The following FAT3 variants were observed in gnomAD, a reference collection of about 807,000 sequenced individuals.
FAT3 encodes protocadherin Fat 3.
Under a neutral mutation model 310.2 loss-of-function variants are expected in FAT3, and 95 were observed. The ratio of observed to expected loss-of-function variants is 0.31; its 90% CI spans 0.26 to 0.36. The LOEUF (loss-of-function observed/expected upper bound fraction) is 0.36, where lower values mean the gene tolerates loss of function less well. Ranked by LOEUF, FAT3 falls within the 10% of genes least tolerant of loss-of-function variation. The pLI is 1.00. For missense variants in FAT3, 5,408 were observed against 5,715.6 expected (o/e 0.95, Z 1.74); for synonymous variants, 2,314 against 2,192.9 (o/e 1.06, Z -1.54).
chr11:92,709,556 T>G (rs1429038424), intron 4 of FAT3, among the ~76,000 whole-genome samples: 3 of 152,166 alleles, frequency 2.0e-5, no homozygotes, highest in Non-Finnish European at 4.4e-5. Context: ...TTACTCCGCT[T>G]TGTACCCCAG....
chr11:92,877,301 A>T (rs1240277565), intron 22 of FAT3, among the ~76,000 whole-genome samples: 2 of 152,190 alleles, frequency 1.3e-5, no homozygotes, highest in Non-Finnish European at 2.9e-5. Context: ...AAGAGCTTAA[A>T]ATAAGAATTG....
intron 1 of FAT3, among the ~76,000 whole-genome samples, chr11:92,251,885 C>T (rs187774861): frequency 6.6e-5 from 10 of 152,144 alleles, no homozygotes; most frequent in Non-Finnish European, 1.3e-4. Context: ...TGTAAGTTAC[C>T]GATGATCCAG....
intron 19 of FAT3, among the ~76,000 whole-genome samples, chr11:92,847,729 G>A (rs1948724438): frequency 6.6e-6 from 1 of 152,156 alleles, no homozygotes; most frequent in Non-Finnish European, 1.5e-5. Flanking sequence ...AAGATAAAGA[G>A]GAAAGCGTTT....
chr11:92,590,310 G>T (rs1167138557), intron 3 of FAT3, among the ~76,000 whole-genome samples: 1 of 152,172 alleles, frequency 6.6e-6, no homozygotes, highest in Non-Finnish European at 1.5e-5. Flanking sequence ...TCAAACTTTA[G>T]TTGGACTCAA....
chr11:92,806,249 A>G, intron 11 of FAT3, 113 bp from the exon 12 acceptor site: 1 of 996,118 alleles, frequency 1.0e-6, no homozygotes, highest in East Asian at 2.6e-5. Flanking sequence ...GAAAAAAATA[A>G]CAAAAGCTAA....
chr11:92,662,498 G>A (rs1942821011), intron 3 of FAT3, among the ~76,000 whole-genome samples: 1 of 152,204 alleles, frequency 6.6e-6, no homozygotes, highest in Non-Finnish European at 1.5e-5. Context: ...TGAGGTTACA[G>A]CCTGGATTTA....
At chr11:92,264,886 ACC>A (rs1434375783) in intron 1 of FAT3, among the ~76,000 whole-genome samples, 1 of 152,018 alleles carries the variant, frequency 6.6e-6, no homozygotes, top group Non-Finnish European at 1.5e-5. Context: ...TATTTATTTC[ACC>A]TTGGATTTGA....
At chr11:92,698,854 T>TA (rs2135911414) in intron 4 of FAT3, among the ~76,000 whole-genome samples, 1 of 152,292 alleles carries the variant, frequency 6.6e-6, no homozygotes, top group Non-Finnish European at 1.5e-5. Flanking sequence ...GCTGTGTTCT[T>TA]AGATAGTTGA....
intron 2 of FAT3, among the ~76,000 whole-genome samples, chr11:92,517,071 G>A (rs1448574473): frequency 1.3e-5 from 2 of 152,148 alleles, no homozygotes; most frequent in Non-Finnish European, 2.9e-5. Flanking sequence ...GAAATTTATA[G>A]ATTCAATGCT....
At chr11:92,315,510 T>TAGAGAGAGAGAGAGAGAG (rs1197551111) in intron 1 of FAT3, among the ~76,000 whole-genome samples, 1 of 78,146 alleles carries the variant, frequency 1.3e-5, no homozygotes, top group Non-Finnish European at 2.4e-5. Flanking sequence ...TATATATATA[T>TAGAGAGAGAGAGAGAGAG]ATAGAGAGAG....
intron 13 of FAT3, among the ~76,000 whole-genome samples, chr11:92,823,797 G>A (rs1164493183): frequency 2.0e-5 from 3 of 152,136 alleles, no homozygotes; most frequent in African/African-American, 7.2e-5. Flanking sequence ...ACCCAATGAA[G>A]AACTTTTAAA....
intron 1 of FAT3, among the ~76,000 whole-genome samples, chr11:92,328,578 C>T (rs1947824263): frequency 6.6e-6 from 1 of 152,150 alleles, no homozygotes; most frequent in Admixed American, 6.5e-5. Context: ...AGAGAAAGAA[C>T]TTGCACTCAA....
intron 1 of FAT3, among the ~76,000 whole-genome samples, chr11:92,240,019 T>C (rs990953310): frequency 6.6e-6 from 1 of 152,122 alleles, no homozygotes; most frequent in Non-Finnish European, 1.5e-5. Flanking sequence ...GTAAGAGTTA[T>C]TTTTTATGCC....
intron 2 of FAT3, among the ~76,000 whole-genome samples, chr11:92,513,341 G>A (rs1433462623): frequency 6.6e-6 from 1 of 152,124 alleles, no homozygotes; most frequent in Non-Finnish European, 1.5e-5. Context: ...TGATTTCTGT[G>A]AAGGCATTAA....
At chr11:92,313,803 C>T (rs1007097301) in intron 1 of FAT3, among the ~76,000 whole-genome samples, 4 of 152,210 alleles carry the variant, frequency 2.6e-5, no homozygotes, top group Admixed American at 6.5e-5. Flanking sequence ...AGTGATCTGC[C>T]GACCTCGGCC....
At chr11:92,254,106 G>C (rs567149229) in intron 1 of FAT3, among the ~76,000 whole-genome samples, 1 of 152,162 alleles carries the variant, frequency 6.6e-6, no homozygotes, top group Non-Finnish European at 1.5e-5. Context: ...TGGGCTCTGG[G>C]TTAAGAGTTC....
chr11:92,352,075 C>G (rs768197427), intron 1 of FAT3, 21 bp from the exon 2 acceptor site: 4 of 1,238,012 alleles, frequency 3.2e-6, no homozygotes, highest in Non-Finnish European at 4.2e-6. Flanking sequence ...TATCTTTTCT[C>G]TCTCTCTTTC....
intron 2 of FAT3, among the ~76,000 whole-genome samples, chr11:92,389,818 A>T (rs959914652): frequency 1.3e-5 from 2 of 152,110 alleles, no homozygotes; most frequent in African/African-American, 4.8e-5. Flanking sequence ...TCCCTTAAAT[A>T]CTATGGAATT....
At chr11:92,451,650 T>C (rs895341023) in intron 2 of FAT3, among the ~76,000 whole-genome samples, 2 of 152,144 alleles carry the variant, frequency 1.3e-5, no homozygotes, top group African/African-American at 4.8e-5. Flanking sequence ...TTCCATGAAA[T>C]TTAGTAATGC....
Sources: gnomAD v4.1 joint callset for allele counts (sites outside exome capture counted in the v4.1 genomes callset) on GRCh38, gnomAD v4.1.1 for gene constraint, MANE v1.5 for transcripts, NCBI Gene and HGNC (gene_info 2026-07-23, HGNC 2026-07-21) for gene names.